Variants in SLC9A3 observed in about 807,000 individuals in gnomAD.
SLC9A3 encodes solute carrier family 9 member A3.
In SLC9A3, 37 loss-of-function variants were observed where a neutral mutation model predicts 86.8. The observed-to-expected ratio is 0.43, with a 90% CI of 0.33 to 0.56. SLC9A3 has a LOEUF of 0.56. SLC9A3 is among the 20% of genes least tolerant of loss of function. The pLI is 0.06. For missense variants in SLC9A3, 1,011 were observed against 1,171.9 expected, an observed-to-expected ratio of 0.86 and a Z score of 2.00; for synonymous variants, 581 against 528.3, an observed-to-expected ratio of 1.10 and a Z score of -1.37.
intron 1 of SLC9A3, among the ~76,000 whole-genome samples, chr5:504,863 G>T (rs1254477694): frequency 6.6e-6 from 1 of 152,130 alleles, no homozygotes; most frequent in Non-Finnish European, 1.5e-5. Context: ...ATACAGCGGG[G>T]GCTCACACCT....
At chr5:476,862 A>G (rs754295150) in intron 11 of SLC9A3, among the ~76,000 whole-genome samples, 190 bp from the exon 12 acceptor site, 1 of 152,196 alleles carries the variant, frequency 6.6e-6, no homozygotes, top group Non-Finnish European at 1.5e-5. Flanking sequence ...CTCGGGGCTT[A>G]GGCTGACTCC....
chr5:505,063 C>A (rs1020437378), intron 1 of SLC9A3, among the ~76,000 whole-genome samples: 5 of 151,486 alleles, frequency 3.3e-5, no homozygotes, highest in Non-Finnish European at 5.9e-5. Context: ...GACGCAGTGA[C>A]CCCTTTAACA....
chr5:480,061 G>T, intron 9 of SLC9A3, 96 bp from the exon 10 acceptor site: 1 of 1,416,672 alleles, frequency 7.1e-7, no homozygotes, highest in Non-Finnish European at 9.7e-7. Flanking sequence ...AATTTTGTTT[G>T]CTATAGTGAC....
At chr5:492,718 C>G (rs1300715931) in intron 1 of SLC9A3, among the ~76,000 whole-genome samples, 1 of 152,260 alleles carries the variant, frequency 6.6e-6, no homozygotes, top group East Asian at 1.9e-4. Context: ...CCCCGGACCC[C>G]CAACTCGCTC....
chr5:522,838 C>A (rs947539471), intron 1 of SLC9A3, among the ~76,000 whole-genome samples: 2 of 152,082 alleles, frequency 1.3e-5, no homozygotes, highest in Admixed American at 6.5e-5. Flanking sequence ...TAGGACTGGG[C>A]GGCCGCAGAG....
At chr5:473,985 G>A (rs925655042) in intron 16 of SLC9A3, among the ~76,000 whole-genome samples, 1 of 152,258 alleles carries the variant, frequency 6.6e-6, no homozygotes, top group Non-Finnish European at 1.5e-5. Context: ...CGGCCCTAGT[G>A]CCCTCAGCTC....
intron 16 of SLC9A3, among the ~76,000 whole-genome samples, chr5:473,644 G>A (rs764429467): frequency 1.3e-4 from 20 of 152,178 alleles, no homozygotes; most frequent in Non-Finnish European, 1.5e-4. Flanking sequence ...CTCGGCGCAG[G>A]AAGGTCCCGC....
At position 482,142 on chromosome 5, in the gene SLC9A3, G is replaced by C. The variant is rs761368082; in HGVS notation, c.1372C>G (p.Pro458Ala). 4 of 1,610,840 alleles carry C rather than the reference G, an allele frequency of 2.5e-6. No individual in the cohort carries two copies. Among genetic ancestry groups the C allele is most frequent in the Admixed American group, 3.3e-5 (2 of 59,844 alleles). The change falls in exon 8 of 17, where the codon CCT (proline) becomes GCT (alanine). Residue 458 changes from proline (P) to alanine (A), a missense_variant. Around this residue, in one of 3 missense-constraint regions of SLC9A3, gnomAD observed 565 missense variants for 790.0 expected, o/e 0.72. Coordinates refer to ENST00000264938, the MANE Select transcript of SLC9A3 (RefSeq NM_004174.4). The part of the protein sequence containing the change: ...TVIFQGLTIK[P>A]LVQWLKVKRS... ...TTCACCTTCAGCCACTGCACCAGAG[G>C]CTTGATGGTCAGGCCCTGGAGGACA...
rs568614021 is a variant in SLC9A3 at position 497,283 on chromosome 5, G to A, written c.212-5212C>T. Reference sequence around the variant, plus strand: ...ACCACTGCTCTGCCTCGGGCGACACGGTGCACTGGCCGAATTCCCTCCAGG... The same window carrying A: ...ACCACTGCTCTGCCTCGGGCGACACAGTGCACTGGCCGAATTCCCTCCAGG... On this transcript the variant is annotated intron_variant, in intron 1 of 16. Coordinates refer to ENST00000264938, the MANE Select transcript of SLC9A3 (RefSeq NM_004174.4). The surrounding 1 kb of genome is among the most constrained non-coding windows in gnomAD (Gnocchi z 5.4). Among the ~76,000 whole-genome samples, 4 of 152,240 alleles carry A rather than the reference G, an allele frequency of 2.6e-5. No homozygotes were observed. Among genetic ancestry groups the A allele is most frequent in the South Asian group, 2.1e-4 (1 of 4,828 alleles).
intron 10 of SLC9A3, 52 bp from the exon 11 acceptor site, chr5:477,496 G>C: frequency 1.5e-6 from 2 of 1,373,142 alleles, no homozygotes; most frequent in Non-Finnish European, 2.0e-6. Flanking sequence ...AGCCCTAGCT[G>C]CTGCCATTGT....
intron 10 of SLC9A3, 138 bp from the exon 11 acceptor site, chr5:477,582 C>G: frequency 3.5e-6 from 2 of 574,544 alleles, no homozygotes; most frequent in South Asian, 4.6e-5. Flanking sequence ...TCACGCCTCA[C>G]AGCTGCAGAG....
chr5:512,191 G>A (rs557923759), intron 1 of SLC9A3, among the ~76,000 whole-genome samples: 2 of 152,330 alleles, frequency 1.3e-5, no homozygotes, highest in South Asian at 2.1e-4. Flanking sequence ...GATCCATGTC[G>A]TTGTACCCAT....
At chr5:489,383 C>T (rs1047682574) in intron 2 of SLC9A3, among the ~76,000 whole-genome samples, 10 of 152,168 alleles carry the variant, frequency 6.6e-5, no homozygotes, top group East Asian at 1.9e-4. Context: ...TGGGCTGGAG[C>T]GGAGCCCACC....
At chr5:494,908 G>T (rs966340806) in intron 1 of SLC9A3, among the ~76,000 whole-genome samples, 2 of 152,222 alleles carry the variant, frequency 1.3e-5, no homozygotes, top group Non-Finnish European at 2.9e-5. Context: ...TCCCAGGCTG[G>T]CTCCTGGAGG....
intron 2 of SLC9A3, 110 bp from the exon 3 acceptor site, chr5:488,586 G>A (rs1449541686): frequency 2.6e-6 from 3 of 1,152,292 alleles, no homozygotes; most frequent in South Asian, 3.3e-5. Context: ...TCTGGCTGGC[G>A]CCGGTGGCGT....
At chr5:482,924 C>T (rs1042777129) in intron 6 of SLC9A3, among the ~76,000 whole-genome samples, 174 bp from the exon 7 acceptor site, 11 of 151,378 alleles carry the variant, frequency 7.3e-5, no homozygotes, top group Admixed American at 1.3e-4. Flanking sequence ...GAGCCACACG[C>T]GGCCTGGCGT....
intron 1 of SLC9A3, among the ~76,000 whole-genome samples, chr5:500,336 A>G (rs543209813): frequency 1.4e-4 from 22 of 152,352 alleles, no homozygotes; most frequent in Middle Eastern, 3.4e-3. Flanking sequence ...AGGCTCCCCC[A>G]GCTAGGTGCA....
intron 1 of SLC9A3, among the ~76,000 whole-genome samples, chr5:503,725 A>T (rs1486051095): frequency 6.6e-6 from 1 of 152,256 alleles, no homozygotes; most frequent in Non-Finnish European, 1.5e-5. Context: ...AGACTGCTGA[A>T]AATCAAAAAC....
chr5:479,800 G>A (rs1239782486), intron 10 of SLC9A3, 36 bp downstream of exon 10: 3 of 1,609,118 alleles, frequency 1.9e-6, no homozygotes, highest in Non-Finnish European at 2.5e-6. Flanking sequence ...AGAGCCTGCT[G>A]CAGCCCCGAC....
Sources: allele counts gnomAD v4.1 joint callset (sites outside exome capture counted in the v4.1 genomes callset), GRCh38; gene constraint gnomAD v4.1.1; regional missense constraint gnomAD v4.1.1; non-coding constraint Gnocchi (gnomAD v3.1); transcripts MANE v1.5; gene names NCBI Gene and HGNC (gene_info 2026-07-23, HGNC 2026-07-21).